TMEM232: variants seen among roughly 807,000 people sequenced by gnomAD.
The protein encoded by TMEM232 is transmembrane protein 232.
Under a neutral mutation model 78.8 loss-of-function variants are expected in TMEM232, and 80 were observed. That is an observed-to-expected ratio of 1.01 (90% CI 0.85 to 1.22). TMEM232 has a LOEUF of 1.22. Ranked by LOEUF, TMEM232 falls within the 50% of genes most tolerant of loss-of-function variation. The pLI is 0.00. For missense variants in TMEM232, 881 were observed against 742.2 expected (o/e 1.19, Z -2.17); for synonymous variants, 297 against 254.3 (o/e 1.17, Z -1.60).
chr5:110,580,565 C>T, intron 10 of TMEM232, among the ~76,000 whole-genome samples: 1 of 149,918 alleles, frequency 6.7e-6, no homozygotes, highest in East Asian at 2.0e-4. Context: ...ATGAGGCAAA[C>T]ATTGACAGAA....
intron 3 of TMEM232, among the ~76,000 whole-genome samples, chr5:110,395,991 T>C (rs1755372782): frequency 6.6e-6 from 1 of 152,156 alleles, no homozygotes; most frequent in Admixed American, 6.6e-5. Flanking sequence ...ACAAGCACTG[T>C]GTATTAGTCC....
intron 11 of TMEM232, among the ~76,000 whole-genome samples, chr5:110,531,087 A>G (rs890556467): frequency 3.9e-5 from 6 of 151,966 alleles, no homozygotes; most frequent in African/African-American, 1.5e-4. Context: ...TATCTTGTGA[A>G]ATTCCTTCTC....
intron 1 of TMEM232, among the ~76,000 whole-genome samples, chr5:110,669,218 T>C (rs541908465): frequency 1.3e-5 from 2 of 151,974 alleles, no homozygotes; most frequent in South Asian, 2.1e-4. Context: ...ATCAACAAAA[T>C]TGATATGCCA....
chr5:110,552,101 A>C (rs1314468615), intron 11 of TMEM232, among the ~76,000 whole-genome samples: 1 of 152,170 alleles, frequency 6.6e-6, no homozygotes. Flanking sequence ...AAACAATAAT[A>C]ATGTTTAGAG....
intron 1 of TMEM232, among the ~76,000 whole-genome samples, chr5:110,693,757 A>C (rs1368810053): frequency 6.6e-6 from 1 of 152,218 alleles, no homozygotes; most frequent in Non-Finnish European, 1.5e-5. Context: ...TTAGAGAAAA[A>C]AGAATAAAAA....
At chr5:110,523,188 G>C (rs565579912) in intron 12 of TMEM232, among the ~76,000 whole-genome samples, 8 of 152,058 alleles carry the variant, frequency 5.3e-5, no homozygotes, top group African/African-American at 1.9e-4. Context: ...CAGTTTATTG[G>C]CATGTAATTG....
chr5:110,673,311 C>T (rs1399064681), intron 1 of TMEM232, among the ~76,000 whole-genome samples: 2 of 73,088 alleles, frequency 2.7e-5, no homozygotes, highest in Admixed American at 1.6e-4. Context: ...TGTGGGGTGG[C>T]GGGAGGGGGG....
chr5:110,638,130 CA>C, intron 5 of TMEM232, 67 bp downstream of exon 5: 1 of 1,227,076 alleles, frequency 8.1e-7, no homozygotes. Flanking sequence ...GATCCTAAAA[CA>C]GATGTCATGT....
chr5:110,587,725 GTGTGTGTGTGTGTC>G (rs1779025257), intron 10 of TMEM232, among the ~76,000 whole-genome samples: 1 of 137,426 alleles, frequency 7.3e-6, no homozygotes, highest in South Asian at 2.4e-4. Context: ...GTGTGTGTGT[GTGTGTGTGTGTGTC>G]AAACTTGTCA....
chr5:110,736,963 T>C, intron 1 of TMEM232, among the ~76,000 whole-genome samples: 1 of 150,236 alleles, frequency 6.7e-6, no homozygotes, highest in Non-Finnish European at 1.5e-5. Context: ...TTCAGTTCTC[T>C]GCTCAAAGGT....
At chr5:110,440,273 A>G (rs1024579178) in intron 12 of TMEM232, among the ~76,000 whole-genome samples, 1 of 152,160 alleles carries the variant, frequency 6.6e-6, no homozygotes, top group African/African-American at 2.4e-5. Flanking sequence ...TCTTACACCA[A>G]TTGAAACTGG....
chr5:110,540,150 T>C (rs1174092753), intron 11 of TMEM232, among the ~76,000 whole-genome samples: 2 of 152,200 alleles, frequency 1.3e-5, no homozygotes, highest in Admixed American at 6.5e-5. Flanking sequence ...TCCTTGTATG[T>C]AGCAGAGAGG....
At chr5:110,686,568 A>T (rs1401053899) in intron 1 of TMEM232, among the ~76,000 whole-genome samples, 2 of 148,118 alleles carry the variant, frequency 1.4e-5, no homozygotes, top group Admixed American at 1.4e-4. Context: ...GCGAGTTGAT[A>T]AAAAAAAAAA....
intron 1 of TMEM232, among the ~76,000 whole-genome samples, chr5:110,724,993 G>T (rs367653440): frequency 5.9e-5 from 9 of 152,108 alleles, no homozygotes; most frequent in Non-Finnish European, 1.0e-4. Context: ...TACTAAGGTG[G>T]TATATTTTTT....
rs575219526 is a variant in TMEM232 at position 110,457,810 on chromosome 5, A to C, written c.1704-32894T>G. Among the ~76,000 whole-genome samples, 292 of 152,182 alleles carry C rather than the reference A, an allele frequency of 1.9e-3. 1 individual carries two copies. Among genetic ancestry groups the C allele is most frequent in the African/African-American group, 6.6e-3 (276 of 41,558 alleles). ...AATGCAAATAAGATTTTCTGATGGAAATGTTGGTATATATTAGAAGGAATT... is the reference window on the plus strand; with the variant it reads ...AATGCAAATAAGATTTTCTGATGGACATGTTGGTATATATTAGAAGGAATT... On this transcript the variant is annotated intron_variant, in intron 12 of 13. Transcript: ENST00000455884.
At chr5:110,484,374 A>G (rs897277505) in intron 12 of TMEM232, among the ~76,000 whole-genome samples, 3 of 152,132 alleles carry the variant, frequency 2.0e-5, no homozygotes, top group Non-Finnish European at 4.4e-5. Context: ...TGCACTAAAA[A>G]AATACCTATT....
chr5:110,515,852 C>T (rs1768550599), intron 12 of TMEM232, among the ~76,000 whole-genome samples: 1 of 152,204 alleles, frequency 6.6e-6, no homozygotes, highest in African/African-American at 2.4e-5. Flanking sequence ...TGTGTAAAAT[C>T]TTCTGCCTAA....
intron 12 of TMEM232, among the ~76,000 whole-genome samples, chr5:110,461,279 A>G (rs988455739): frequency 1.3e-5 from 2 of 152,198 alleles, no homozygotes; most frequent in Non-Finnish European, 2.9e-5. Flanking sequence ...AAACAATTTA[A>G]TTGCTGATAT....
At chr5:110,633,105 T>C (rs1010640508) in intron 5 of TMEM232, among the ~76,000 whole-genome samples, 1 of 151,980 alleles carries the variant, frequency 6.6e-6, no homozygotes, top group African/African-American at 2.4e-5. Flanking sequence ...ACTTGACACT[T>C]GAAAAACCCA....
Sources: allele counts gnomAD v4.1 joint callset (sites outside exome capture counted in the v4.1 genomes callset), GRCh38; gene constraint gnomAD v4.1.1; transcripts MANE v1.5; gene names NCBI Gene and HGNC (gene_info 2026-07-23, HGNC 2026-07-21).